Variants in RNF32 observed in about 807,000 individuals in gnomAD.
RNF32 encodes ring finger protein 32.
RNF32 carries 36 observed loss-of-function variants against 41.0 expected under a neutral mutation model. That is an observed-to-expected ratio of 0.88 (90% CI 0.67 to 1.16). The LOEUF (loss-of-function observed/expected upper bound fraction) is 1.16. RNF32 is among the 50% of genes most tolerant of loss of function. The pLI is 0.00. For synonymous variants in RNF32, 154 were observed against 160.9 expected, an observed-to-expected ratio of 0.96 and a Z score of 0.32; for missense variants, 413 against 436.7, an observed-to-expected ratio of 0.95 and a Z score of 0.48.
intron 7 of RNF32, among the ~76,000 whole-genome samples, chr7:156,662,982 G>A (rs1462851349): frequency 6.6e-6 from 1 of 151,728 alleles, no homozygotes; most frequent in African/African-American, 2.4e-5. Flanking sequence ...CAAGTAGCTG[G>A]GACTACAGGC....
At position 156,644,595 on chromosome 7, in the gene RNF32, G is replaced by T; in HGVS notation, c.112G>T (p.Asp38Tyr). Residue 38 changes from aspartate to tyrosine, a missense_variant, in exon 3 of 9, where the codon GAT becomes TAT. Asp to Tyr is a radical substitution (Grantham distance 160). Transcript: ENST00000317955. ...DLQLRNLSVA[D>Y]HSKTQVQKKE... ...TCAACTTCGAAATCTTTCAGTTGCA[G>T]ATCATTCTAAGACACAAGTACAAAA... The T allele has an allele frequency of 1.2e-6, 2 of 1,613,402 alleles. No homozygotes were observed. Among genetic ancestry groups the T allele is most frequent in the Non-Finnish European group, 8.5e-7 (1 of 1,179,516 alleles).
rs1417870629 is a variant in RNF32, at chr7:156,640,817, G to A, written c.-78+6G>A. On this transcript the variant is annotated splice_donor_region_variant and intron_variant, in intron 1 of 8. Coordinates refer to ENST00000317955, the MANE Select transcript of RNF32 (RefSeq NM_030936.4). ...GTGTTCGCGGAGGAGTCGAGGCACG[G>A]AGAGGCTTCGGGGGAGGGACGGAAA... 1 of 224,074 alleles carries A rather than the reference G, an allele frequency of 4.5e-6. No individual in the cohort carries two copies. The highest frequency in any genetic ancestry group is 9.0e-6 in the Non-Finnish European group (1 of 111,066). 13.9% of individuals were successfully genotyped at this position (224,074 alleles called of 1,614,324 possible). A position where few individuals can be genotyped will look rare whatever the true frequency, so the allele number is the denominator to read the frequency against.
At chr7:156,648,892 G>C (rs1349242485) in intron 3 of RNF32, among the ~76,000 whole-genome samples, 1 of 151,816 alleles carries the variant, frequency 6.6e-6, no homozygotes, top group Non-Finnish European at 1.5e-5. Context: ...CTTTATTGCT[G>C]TTTGGGAGAG....
At position 156,643,787 on chromosome 7, in the gene RNF32, C is replaced by A; in HGVS notation, c.-77-14C>A. On this transcript the variant is annotated splice_polypyrimidine_tract_variant and intron_variant, in intron 1 of 8. Coordinates refer to ENST00000317955, the MANE Select transcript of RNF32 (RefSeq NM_030936.4). The stretch of plus-strand genomic sequence containing the variant: ...CACTGTAACTTTGACTTTCTGTTGA[C>A]CACGTCTTTGCAGCAGAAGAATAGA... 1 of 1,202,610 alleles carries A rather than the reference C, an allele frequency of 8.3e-7. No homozygotes were observed. Among genetic ancestry groups the A allele is most frequent in the Non-Finnish European group, 1.2e-6 (1 of 811,282 alleles). 74.5% of individuals were successfully genotyped at this position (1,202,610 alleles called of 1,614,324 possible). A position where few individuals can be genotyped will look rare whatever the true frequency, so the allele number is the denominator to read the frequency against.
intron 1 of RNF32, among the ~76,000 whole-genome samples, chr7:156,643,277 A>C (rs1797597012): frequency 6.6e-6 from 1 of 152,202 alleles, no homozygotes; most frequent in African/African-American, 2.4e-5. Flanking sequence ...CTGTCCCCAT[A>C]TTCTGTACTT....
At chr7:156,649,489 GCCTAAC>G (rs962377425) in intron 3 of RNF32, among the ~76,000 whole-genome samples, 14 of 151,782 alleles carry the variant, frequency 9.2e-5, no homozygotes, top group African/African-American at 3.4e-4. Context: ...TCGTTCCTTA[GCCTAAC>G]ACGTTTCATT....
At chr7:156,654,423 T>TG in intron 3 of RNF32, 153 bp from the exon 4 acceptor site, 1 of 601,578 alleles carries the variant, frequency 1.7e-6, no homozygotes, top group Non-Finnish European at 2.8e-6. Flanking sequence ...ACATTCCCTG[T>TG]GGATACCAAT....
At position 156,654,858 on chromosome 7, in the gene RNF32, T is replaced by A. The variant is rs112618417; in HGVS notation, c.417+140T>A. 2.3e-3 allele frequency: 1,681 copies of A among 719,980 alleles called. 3 individuals are homozygous for A. The highest frequency in any genetic ancestry group is 3.8e-3 in the Admixed American group (138 of 36,360). 44.6% of individuals were successfully genotyped at this position (719,980 alleles called of 1,614,324 possible). A position where few individuals can be genotyped will look rare whatever the true frequency, so the allele number is the denominator to read the frequency against. On this transcript the variant is annotated intron_variant, in intron 4 of 8. Transcript: ENST00000317955. ...GAGCCTCACACACTTCCATTTTGTTTTCCATTAATTAAAGTGTGTGAAGAG... is the reference window on the plus strand; with the variant it reads ...GAGCCTCACACACTTCCATTTTGTTATCCATTAATTAAAGTGTGTGAAGAG...
At chr7:156,657,175 C>T (rs1799811039) in intron 4 of RNF32, among the ~76,000 whole-genome samples, 1 of 152,174 alleles carries the variant, frequency 6.6e-6, no homozygotes, top group Non-Finnish European at 1.5e-5. Flanking sequence ...ATGGTATTTA[C>T]TTAGCGTTTC....
At position 156,676,778 on chromosome 7, in the gene RNF32, G is replaced by T. The variant is rs1044762261; in HGVS notation, c.*123G>T. On this transcript the variant is annotated 3_prime_UTR_variant, in exon 9 of 9. Transcript: ENST00000317955. ...CTGTTTCCCAGGGAAATAAGCTATT[G>T]GTAGTTGTAGGAAATCTTAGTATAT... The T allele has an allele frequency of 1.9e-5, 13 of 686,148 alleles. No homozygotes were observed. The highest frequency in any genetic ancestry group is 1.3e-4 in the East Asian group (5 of 38,936). 42.5% of individuals were successfully genotyped at this position (686,148 alleles called of 1,614,324 possible).
intron 6 of RNF32, 37 bp downstream of exon 6, chr7:156,658,289 C>A (rs758184397): frequency 3.7e-6 from 6 of 1,608,552 alleles, no homozygotes; most frequent in Non-Finnish European, 5.1e-6. Context: ...TAAGCAGACA[C>A]AGATCAGGCT....
intron 7 of RNF32, among the ~76,000 whole-genome samples, chr7:156,672,342 G>A (rs987325725): frequency 2.0e-5 from 3 of 152,094 alleles, no homozygotes; most frequent in South Asian, 2.1e-4. Flanking sequence ...TATTACCAGC[G>A]TTAAGAACAG....
Position 156,676,967 on chromosome 7 carries a change from A to C in RNF32, c.*312A>C. ...GCTAGTGTCTGAACGACACTCCTTA[A>C]AGTAAGTTCCAAATGTAAAACACTC... On this transcript the variant is annotated 3_prime_UTR_variant, in exon 9 of 9. Transcript: ENST00000317955. 1 of 267,844 alleles carries C rather than the reference A, an allele frequency of 3.7e-6. No individual in the cohort carries two copies. The highest frequency in any genetic ancestry group is 7.2e-6 in the Non-Finnish European group (1 of 138,822). The allele number at this position is 267,844 out of a possible 1,614,324, so 16.6% of individuals were successfully genotyped here. A position where few individuals can be genotyped will look rare whatever the true frequency, so the allele number is the denominator to read the frequency against.
intron 7 of RNF32, among the ~76,000 whole-genome samples, chr7:156,660,900 A>G (rs1800554077): frequency 6.6e-6 from 1 of 152,194 alleles, no homozygotes; most frequent in Non-Finnish European, 1.5e-5. Context: ...GAAGTTATAC[A>G]TTGGTTTGGC....
At chr7:156,662,131 A>G (rs1563086906) in intron 7 of RNF32, among the ~76,000 whole-genome samples, 1 of 152,226 alleles carries the variant, frequency 6.6e-6, no homozygotes, top group African/African-American at 2.4e-5. Flanking sequence ...GTAGGTGCCT[A>G]TATGGGTCCA....
At chr7:156,642,525 C>G (rs59754085) in intron 1 of RNF32, among the ~76,000 whole-genome samples, 2,813 of 152,316 alleles carry the variant, frequency 0.018, 88 homozygotes, top group African/African-American at 0.065. Flanking sequence ...CTTACTGCAT[C>G]GGGTATTGTC....
At chr7:156,654,851 T>A in intron 4 of RNF32, 133 bp downstream of exon 4, 2 of 776,792 alleles carry the variant, frequency 2.6e-6, no homozygotes, top group Non-Finnish European at 4.1e-6. Context: ...CACACTTCCA[T>A]TTTGTTTTCC....
At position 156,643,796 on chromosome 7, in the gene RNF32, TGCA is replaced by T; in HGVS notation, c.-77_-75del. On this transcript the variant is annotated splice_acceptor_variant and splice_polypyrimidine_tract_variant and intron_variant, in intron 1 of 8. Coordinates refer to ENST00000317955, the MANE Select transcript of RNF32 (RefSeq NM_030936.4). LOFTEE classifies it low-confidence loss of function (5UTR_SPLICE). The stretch of plus-strand genomic sequence containing the variant: ...TTTGACTTTCTGTTGACCACGTCTT[TGCA>T]GCAGAAGAATAGAAGGAAGGTGATA... The T allele has an allele frequency of 7.7e-7, 1 of 1,299,882 alleles. No homozygotes were observed. The highest frequency in any genetic ancestry group is 1.1e-6 in the Non-Finnish European group (1 of 898,214). The allele number at this position is 1,299,882 out of a possible 1,614,324, so 80.5% of individuals were successfully genotyped here.
At chr7:156,671,957 G>A (rs1364574594) in intron 7 of RNF32, among the ~76,000 whole-genome samples, 1 of 152,088 alleles carries the variant, frequency 6.6e-6, no homozygotes, top group Admixed American at 6.5e-5. Flanking sequence ...AATAGCAAAA[G>A]TACATATCAA....
Sources: gnomAD v4.1 joint callset for allele counts (sites outside exome capture counted in the v4.1 genomes callset) on GRCh38, gnomAD v4.1.1 for gene constraint, MANE v1.5 for transcripts, NCBI Gene and HGNC (gene_info 2026-07-23, HGNC 2026-07-21) for gene names.